Variants in TRIOBP observed in about 807,000 individuals in gnomAD.
TRIOBP encodes the protein TRIO and F-actin binding protein.
TRIOBP carries 169 observed loss-of-function variants against 238.8 expected under a neutral mutation model. The observed-to-expected ratio is 0.71, with a 90% CI of 0.62 to 0.80. The LOEUF (loss-of-function observed/expected upper bound fraction) is 0.80. TRIOBP is among the 30% of genes least tolerant of loss of function. The pLI is 0.00. For missense variants in TRIOBP, 2,838 were observed against 3,122.6 expected (o/e 0.91, Z 2.17); for synonymous variants, 1,150 against 1,274.4 (o/e 0.90, Z 2.08).
chr22:37,714,004 C>T (rs1414311698), intron 5 of TRIOBP, among the ~76,000 whole-genome samples: 1 of 152,140 alleles, frequency 6.6e-6, no homozygotes, highest in Non-Finnish European at 1.5e-5. Context: ...ATAAAACAAC[C>T]CAGCCTCACA....
In TRIOBP at chr22:37,725,795, C is replaced by T. The variant is rs766097053; in HGVS notation, c.3239C>T (p.Thr1080Ile). The change falls in exon 7 of 24, where the codon ACC (threonine) becomes ATC (isoleucine). Residue 1080 changes from threonine to isoleucine, a missense_variant. By Grantham distance (89) the Thr-to-Ile change is moderately conservative. Coordinates refer to ENST00000644935, the MANE Select transcript of TRIOBP (RefSeq NM_001039141.3). Reference protein sequence around the residue: ...APRASSPPRHTQFDPFPFLPD... With the variant: ...APRASSPPRHIQFDPFPFLPD... The stretch of plus-strand genomic sequence containing the variant: ...CGGGCGTCCTCGCCCCCCCGCCACA[C>T]CCAATTTGACCCCTTCCCCTTCCTC... The T allele has an allele frequency of 6.2e-7, 1 of 1,609,640 alleles. No homozygotes were observed.
rs758252692 is a variant in TRIOBP, at chr22:37,769,264, G to C, written c.6738G>C (p.Glu2246Asp). The C allele has an allele frequency of 5.0e-6, 8 of 1,610,244 alleles. No individual in the cohort carries two copies. The highest frequency in any genetic ancestry group is 6.8e-6 in the Non-Finnish European group (8 of 1,178,874). Residue 2246 changes from glutamate to aspartate, a missense_variant and splice_region_variant, in exon 21 of 24, where the codon GAG becomes GAC. Glu to Asp is a conservative substitution (Grantham distance 45). Around this residue, in one of 5 missense-constraint regions of TRIOBP, gnomAD observed 2,096 missense variants for 2,137.4 expected, o/e 0.98. Coordinates refer to ENST00000644935, the MANE Select transcript of TRIOBP (RefSeq NM_001039141.3). ...CCTGACCACCGTGCCTCTCCCAGGA[G>C]CTGCATGGCCGCCTGTCAGAGGAGA... ...EGQELLRHNQELHGRLSEEID... is the reference protein window; with the variant it reads ...EGQELLRHNQDLHGRLSEEID...
At chr22:37,749,984 TATCCCCAAGGTCACTGTGTC>T (rs1925497354) in intron 11 of TRIOBP, among the ~76,000 whole-genome samples, 2 of 152,228 alleles carry the variant, frequency 1.3e-5, no homozygotes, top group South Asian at 4.1e-4. Context: ...GGTGACCTTC[TATCCCCAAGGTCACTGTGTC>T]ATGGCGTGCC....
At chr22:37,766,524 C>T (rs1254846361) in intron 18 of TRIOBP, among the ~76,000 whole-genome samples, 1 of 152,260 alleles carries the variant, frequency 6.6e-6, no homozygotes, top group Admixed American at 6.5e-5. Context: ...TTAGAGACCC[C>T]TTCCCCCTCA....
intron 7 of TRIOBP, among the ~76,000 whole-genome samples, chr22:37,727,840 G>C (rs1336280769): frequency 2.6e-5 from 4 of 152,084 alleles, no homozygotes; most frequent in Non-Finnish European, 5.9e-5. Context: ...ATTTCCTCCT[G>C]ATCAGGCTGA....
At chr22:37,701,509 G>A (rs1182580509) in intron 3 of TRIOBP, 30 bp downstream of exon 3, 1 of 1,526,232 alleles carries the variant, frequency 6.6e-7, no homozygotes, top group African/African-American at 1.4e-5. Context: ...GGTTGGGGTG[G>A]TTTGTGATGG....
intron 3 of TRIOBP, among the ~76,000 whole-genome samples, chr22:37,706,562 T>C (rs1922952359): frequency 6.6e-6 from 1 of 151,742 alleles, no homozygotes; most frequent in South Asian, 2.1e-4. Flanking sequence ...AGGCTGAGGC[T>C]AAAGGATGGC....
intron 14 of TRIOBP, 153 bp downstream of exon 14, chr22:37,755,343 C>A: frequency 1.1e-6 from 1 of 930,144 alleles, no homozygotes. Context: ...GCTGTGATGC[C>A]AACACTTAGC....
intron 6 of TRIOBP, among the ~76,000 whole-genome samples, chr22:37,716,405 C>T (rs973962445): frequency 2.0e-5 from 3 of 151,950 alleles, no homozygotes; most frequent in Admixed American, 6.6e-5. Flanking sequence ...ATTACAGGCA[C>T]GCCTAGCCTG....
At chr22:37,761,728 C>T (rs1292074639) in intron 17 of TRIOBP, among the ~76,000 whole-genome samples, 3 of 152,052 alleles carry the variant, frequency 2.0e-5, no homozygotes, top group African/African-American at 7.2e-5. Context: ...CGGAGACCGT[C>T]CTGGGGCCAA....
chr22:37,704,702 G>A lies in TRIOBP; in HGVS notation c.114+3223G>A, dbSNP rs566503573. On this transcript the variant is annotated intron_variant, in intron 3 of 23. Coordinates refer to ENST00000644935, the MANE Select transcript of TRIOBP (RefSeq NM_001039141.3). ...ATTTCAGCTGCTTAGTAAAGGCTGTGCAGGCATTAGCATTAGTGAAATTGC... is the reference window on the plus strand; with the variant it reads ...ATTTCAGCTGCTTAGTAAAGGCTGTACAGGCATTAGCATTAGTGAAATTGC... Among the ~76,000 whole-genome samples, 122 of 152,066 alleles carry A rather than the reference G, an allele frequency of 8.0e-4. 1 individual carries two copies. The highest frequency in any genetic ancestry group is 2.8e-3 in the African/African-American group (115 of 41,472).
chr22:37,738,799 A>G (rs919458703), intron 10 of TRIOBP, 80 bp downstream of exon 10: 70 of 1,446,684 alleles, frequency 4.8e-5, no homozygotes, highest in Non-Finnish European at 2.2e-5. Context: ...ATTCCTCAGA[A>G]GAGCCCTAGA....
chr22:37,740,809 C>A, intron 10 of TRIOBP, 86 bp from the exon 11 acceptor site: 1 of 1,543,922 alleles, frequency 6.5e-7, no homozygotes, highest in Non-Finnish European at 8.8e-7. Context: ...TGGGGGGCAC[C>A]ACAGAATGGG....
rs1926288724 is a variant in TRIOBP, at chr22:37,762,366, C to T, written c.6324+3102C>T. Among the ~76,000 whole-genome samples, 6 of 152,304 alleles carry T rather than the reference C, an allele frequency of 3.9e-5. No individual in the cohort carries two copies. The South Asian group carries it at 1.2e-3, about 32-fold the overall frequency. On this transcript the variant is annotated intron_variant, in intron 17 of 23. Transcript: ENST00000644935. Reference sequence around the variant, plus strand: ...CAAGTGTGACCACTGCACTGGCCCACCTTTGTCCGTTTTACTCATAGAGCC... The same window carrying T: ...CAAGTGTGACCACTGCACTGGCCCATCTTTGTCCGTTTTACTCATAGAGCC...
intron 4 of TRIOBP, among the ~76,000 whole-genome samples, chr22:37,711,589 AAAAC>A (rs1923241880): frequency 4.0e-5 from 2 of 50,000 alleles, no homozygotes; most frequent in Admixed American, 3.2e-4. Context: ...AAAAAAAAAA[AAAAC>A]AACAAAAAAA....
At chr22:37,719,224 A>C (rs1366601603) in intron 6 of TRIOBP, among the ~76,000 whole-genome samples, 1 of 151,324 alleles carries the variant, frequency 6.6e-6, no homozygotes, top group Non-Finnish European at 1.5e-5. Context: ...TAAATAAATA[A>C]ATAAATAAAT....
intron 7 of TRIOBP, among the ~76,000 whole-genome samples, chr22:37,729,668 A>G (rs939922240): frequency 6.6e-6 from 1 of 152,204 alleles, no homozygotes; most frequent in African/African-American, 2.4e-5. Context: ...AAATATGTTT[A>G]CACTTTTATT....
chr22:37,772,088 G>A (rs1224988170), intron 22 of TRIOBP, among the ~76,000 whole-genome samples: 1 of 152,238 alleles, frequency 6.6e-6, no homozygotes, highest in Non-Finnish European at 1.5e-5. Context: ...GCACTCCAGT[G>A]AGAATAACCA....
At position 37,726,484 on chromosome 22, in the gene TRIOBP, C is replaced by T; in HGVS notation, c.3928C>T (p.Leu1310Phe). ...CCCTGGCCGTGCAGAGGTGGAGCGCCTCTTCGGGCAAGAGCGCAGGTGAGC... is the reference window on the plus strand; with the variant it reads ...CCCTGGCCGTGCAGAGGTGGAGCGCTTCTTCGGGCAAGAGCGCAGGTGAGC... ...HSPGRAEVER[L>F]FGQERRKSEA... The change falls in exon 7 of 24, where the codon CTC (leucine) becomes TTC (phenylalanine). Residue 1310 changes from leucine (L) to phenylalanine (F), a missense_variant. By Grantham distance (22) the Leu-to-Phe change is conservative (BLOSUM62 0). This residue lies in a region of TRIOBP where 2,096 missense variants were observed against 2,137.4 expected (regional missense o/e 0.98). Transcript: ENST00000644935. The T allele has an allele frequency of 3.9e-6, 6 of 1,532,608 alleles. No individual in the cohort carries two copies. In the Admixed American group the frequency reaches 1.0e-4, roughly 26 times the overall value. The allele number at this position is 1,532,608 out of a possible 1,614,324, so 94.9% of individuals were successfully genotyped here. A position where few individuals can be genotyped will look rare whatever the true frequency, so the allele number is the denominator to read the frequency against.
Sources: gnomAD v4.1 joint callset for allele counts (sites outside exome capture counted in the v4.1 genomes callset) on GRCh38, gnomAD v4.1.1 for gene constraint, gnomAD v4.1.1 regional missense constraint, MANE v1.5 for transcripts, NCBI Gene and HGNC (gene_info 2026-07-23, HGNC 2026-07-21) for gene names.